The following THSD7B variants were observed in gnomAD, a reference collection of about 807,000 sequenced individuals.
THSD7B encodes the protein thrombospondin type-1 domain-containing protein 7B.
A neutral mutation model predicts 213.6 loss-of-function variants in THSD7B; 138 were observed. The observed-to-expected ratio is 0.65, with a 90% CI of 0.56 to 0.74. The LOEUF (loss-of-function observed/expected upper bound fraction) is 0.74. THSD7B is among the 30% of genes least tolerant of loss of function. The pLI is 0.00. For synonymous variants in THSD7B, 742 were observed against 687.0 expected, an observed-to-expected ratio of 1.08 and a Z score of -1.25; for missense variants, 1,931 against 1,991.5, an observed-to-expected ratio of 0.97 and a Z score of 0.58.
intron 17 of THSD7B, among the ~76,000 whole-genome samples, chr2:137,614,692 A>C (rs1484206646): frequency 6.6e-6 from 1 of 152,194 alleles, no homozygotes; most frequent in East Asian, 1.9e-4. Flanking sequence ...CTTCTTGATT[A>C]TCCAGAGACA....
intron 1 of THSD7B, among the ~76,000 whole-genome samples, chr2:136,822,822 C>T (rs1351121661): frequency 1.3e-5 from 2 of 152,112 alleles, no homozygotes; most frequent in Non-Finnish European, 2.9e-5. Context: ...AGCAGAGAAT[C>T]TAATATTTTT....
At chr2:137,107,343 A>G (rs1284969047) in intron 4 of THSD7B, among the ~76,000 whole-genome samples, 1 of 152,210 alleles carries the variant, frequency 6.6e-6, no homozygotes, top group African/African-American at 2.4e-5. Context: ...CATTGAGAAC[A>G]CATGGACACA....
chr2:137,311,262 A>C (rs1239397672), intron 12 of THSD7B, among the ~76,000 whole-genome samples: 2 of 151,124 alleles, frequency 1.3e-5, no homozygotes, highest in South Asian at 2.2e-4. Flanking sequence ...ATTCTCTTTG[A>C]AGCAATTGTG....
chr2:137,241,604 C>T (rs755681840), intron 9 of THSD7B, among the ~76,000 whole-genome samples: 3 of 151,864 alleles, frequency 2.0e-5, no homozygotes, highest in Admixed American at 6.6e-5. Flanking sequence ...TTTCAGTCTA[C>T]GTGTTCTATA....
chr2:137,627,984 T>C (rs1682663618), intron 20 of THSD7B, among the ~76,000 whole-genome samples: 1 of 152,228 alleles, frequency 6.6e-6, no homozygotes, highest in South Asian at 2.1e-4. Flanking sequence ...AGCAATTAGC[T>C]GAATCTTTCT....
chr2:136,921,387 C>T (rs1684436194), intron 2 of THSD7B, among the ~76,000 whole-genome samples: 1 of 152,098 alleles, frequency 6.6e-6, no homozygotes, highest in South Asian at 2.1e-4. Flanking sequence ...CCTCAGCATC[C>T]TGAGTAGCTG....
At chr2:137,234,613 C>A (rs1233118123) in intron 9 of THSD7B, among the ~76,000 whole-genome samples, 2 of 152,108 alleles carry the variant, frequency 1.3e-5, no homozygotes, top group African/African-American at 4.8e-5. Flanking sequence ...AATGTGGCTC[C>A]CAGAGTGCTG....
At chr2:137,386,887 T>C (rs1206703206) in intron 12 of THSD7B, among the ~76,000 whole-genome samples, 1 of 152,212 alleles carries the variant, frequency 6.6e-6, no homozygotes, top group African/African-American at 2.4e-5. Context: ...GCAATTCTTT[T>C]TAAAAAATTA....
chr2:137,121,526 G>C (rs1688546972), intron 5 of THSD7B, among the ~76,000 whole-genome samples: 1 of 152,202 alleles, frequency 6.6e-6, no homozygotes, highest in African/African-American at 2.4e-5. Flanking sequence ...GGGAGATTAT[G>C]AATGACCTAG....
At chr2:137,110,376 T>G (rs1205132061) in intron 4 of THSD7B, among the ~76,000 whole-genome samples, 1 of 152,214 alleles carries the variant, frequency 6.6e-6, no homozygotes. Flanking sequence ...AACCTGCTTT[T>G]TAGCACTTTT....
intron 15 of THSD7B, among the ~76,000 whole-genome samples, chr2:137,469,960 G>T (rs900021351): frequency 6.6e-6 from 1 of 152,130 alleles, no homozygotes; most frequent in Admixed American, 6.5e-5. Context: ...TGTTTCAAAT[G>T]GTTAGATTTG....
intron 2 of THSD7B, among the ~76,000 whole-genome samples, chr2:137,024,123 C>T (rs768751006): frequency 7.9e-5 from 12 of 152,244 alleles, no homozygotes; most frequent in Middle Eastern, 3.4e-3. Context: ...CTTTAACACT[C>T]ATTTATTTGC....
At chr2:137,451,642 G>A (rs867431571) in intron 15 of THSD7B, among the ~76,000 whole-genome samples, 1 of 151,864 alleles carries the variant, frequency 6.6e-6, no homozygotes, top group Non-Finnish European at 1.5e-5. Context: ...GCCATCCTAA[G>A]CAATCAAAGT....
intron 2 of THSD7B, among the ~76,000 whole-genome samples, chr2:137,051,594 A>C (rs1687072431): frequency 6.6e-6 from 1 of 152,220 alleles, no homozygotes; most frequent in African/African-American, 2.4e-5. Context: ...AATTATTCAC[A>C]AATAGTTTGC....
chr2:137,050,463 T>G (rs1247427716), intron 2 of THSD7B, among the ~76,000 whole-genome samples: 2 of 152,164 alleles, frequency 1.3e-5, no homozygotes, highest in African/African-American at 2.4e-5. Flanking sequence ...TCCACAAAGA[T>G]GAAATGGATT....
intron 14 of THSD7B, among the ~76,000 whole-genome samples, chr2:137,417,390 T>C (rs1686821916): frequency 6.6e-6 from 1 of 151,966 alleles, no homozygotes; most frequent in Admixed American, 6.6e-5. Flanking sequence ...TAAAAGAGCT[T>C]TTTTTTTCTA....
In THSD7B at chr2:136,890,338, T is replaced by C. The variant is rs1165173696; in HGVS notation, c.139+8021T>C. 5.5e-3 allele frequency among the ~76,000 whole-genome samples: 22 copies of C among 3,982 alleles called. 1 individual carries two copies. The highest frequency in any genetic ancestry group is 0.013 in the African/African-American group (18 of 1,408). The allele number at this position is 3,982 out of a possible 152,430, so 2.6% of individuals were successfully genotyped here. Reference sequence around the variant, plus strand: ...CTTCTTCTTCTTCTTCTTCTTCTTCTTCTTCTTCTTCTTCTTCTTCTTCTT... The same window carrying C: ...CTTCTTCTTCTTCTTCTTCTTCTTCCTCTTCTTCTTCTTCTTCTTCTTCTT... On this transcript the variant is annotated intron_variant, in intron 2 of 27. Transcript: ENST00000409968.
intron 15 of THSD7B, among the ~76,000 whole-genome samples, chr2:137,553,211 G>A (rs1303627623): frequency 6.6e-6 from 1 of 152,130 alleles, no homozygotes; most frequent in Non-Finnish European, 1.5e-5. Context: ...CAAGCTTGAA[G>A]ACATCTACCT....
At chr2:137,243,306 C>A (rs1681956038) in intron 10 of THSD7B, among the ~76,000 whole-genome samples, 1 of 152,220 alleles carries the variant, frequency 6.6e-6, no homozygotes. Flanking sequence ...GAGTTAATAA[C>A]TTAGTCCCTC....
Sources: allele counts gnomAD v4.1 joint callset (sites outside exome capture counted in the v4.1 genomes callset), GRCh38; gene constraint gnomAD v4.1.1; transcripts MANE v1.5; gene names NCBI Gene and HGNC (gene_info 2026-07-23, HGNC 2026-07-21).